Variants in TINAG observed in about 807,000 individuals in gnomAD.
TINAG encodes tubulointerstitial nephritis antigen.
Under a neutral mutation model 72.7 loss-of-function variants are expected in TINAG, and 83 were observed. That is an observed-to-expected ratio of 1.14 (90% CI 0.96 to 1.37). The LOEUF (loss-of-function observed/expected upper bound fraction) is 1.37. Ranked by LOEUF, TINAG falls within the 40% of genes most tolerant of loss-of-function variation. The probability of loss-of-function intolerance (pLI) is 0.00; values close to 1 mark genes in which losing one functional copy is unlikely to be tolerated. For synonymous variants in TINAG, 234 were observed against 189.9 expected (o/e 1.23, Z -1.91); for missense variants, 685 against 576.6 (o/e 1.19, Z -1.93).
intron 4 of TINAG, among the ~76,000 whole-genome samples, chr6:54,332,138 A>G (rs192118188): frequency 2.5e-4 from 38 of 152,290 alleles, no homozygotes; most frequent in Admixed American, 7.2e-4. Flanking sequence ...ATATGGAATG[A>G]AAAGAGATCC....
chr6:54,322,343 A>C (rs1011480564), intron 3 of TINAG, among the ~76,000 whole-genome samples: 7 of 150,798 alleles, frequency 4.6e-5, no homozygotes, highest in Non-Finnish European at 8.8e-5. Context: ...CAAAAAAAAA[A>C]CAAGAAACAT....
chr6:54,321,387 G>T lies in TINAG; in HGVS notation c.509+1G>T. ...AACAGGTCAATAAAGGAGACTATGG[G>T]TGAGAGAAATCTTGCTTTGTATGTT... On this transcript the variant is annotated splice_donor_variant, in intron 3 of 10. Coordinates refer to ENST00000259782, the MANE Select transcript of TINAG (RefSeq NM_014464.4). LOFTEE classifies it high-confidence loss of function. The T allele has an allele frequency of 1.2e-6, 2 of 1,605,398 alleles. No individual in the cohort carries two copies. Among genetic ancestry groups the T allele is most frequent in the African/African-American group, 2.7e-5 (2 of 74,800 alleles).
At chr6:54,321,491 G>A (rs1390510601) in intron 3 of TINAG, 105 bp downstream of exon 3, 1 of 755,978 alleles carries the variant, frequency 1.3e-6, no homozygotes, top group African/African-American at 1.8e-5. Context: ...AAAAGAAAGA[G>A]TGGGAGAGAA....
intron 1 of TINAG, among the ~76,000 whole-genome samples, chr6:54,315,397 G>A (rs1043811164): frequency 6.6e-6 from 1 of 151,988 alleles, no homozygotes; most frequent in African/African-American, 2.4e-5. Flanking sequence ...GGCTGGGTGT[G>A]GTGGCTCACA....
chr6:54,389,298 C>T (rs370371807), intron 10 of TINAG, among the ~76,000 whole-genome samples: 10 of 152,162 alleles, frequency 6.6e-5, no homozygotes, highest in East Asian at 3.8e-4. Flanking sequence ...ACAATGTCTT[C>T]GCTGAACCAT....
Position 54,308,489 on chromosome 6 carries a change from G to A in TINAG, c.-62G>A. 1.4e-6 allele frequency: 2 copies of A among 1,415,428 alleles called. No homozygotes were observed. The highest frequency in any genetic ancestry group is 2.8e-5 in the South Asian group (2 of 71,728). 87.7% of individuals were successfully genotyped at this position (1,415,428 alleles called of 1,614,324 possible). ...ACTAGAATTCAGGTTCCAAGGAGAAGCCCACAAGGCTAAGGGTATTGGATA... is the reference window on the plus strand; with the variant it reads ...ACTAGAATTCAGGTTCCAAGGAGAAACCCACAAGGCTAAGGGTATTGGATA... On this transcript the variant is annotated 5_prime_UTR_variant, in exon 1 of 11. Coordinates refer to ENST00000259782, the MANE Select transcript of TINAG (RefSeq NM_014464.4).
At chr6:54,354,416 T>C in intron 8 of TINAG, 97 bp from the exon 9 acceptor site, 1 of 1,138,642 alleles carries the variant, frequency 8.8e-7, no homozygotes, top group South Asian at 1.6e-5. Flanking sequence ...TTCATCTCCT[T>C]GCAATTTACC....
At chr6:54,357,095 G>A (rs976612679) in intron 9 of TINAG, among the ~76,000 whole-genome samples, 1 of 151,886 alleles carries the variant, frequency 6.6e-6, no homozygotes, top group African/African-American at 2.4e-5. Flanking sequence ...CACAAAAATA[G>A]CTATTTCAAG....
rs545117635 is a variant in TINAG, at chr6:54,386,724, G to GA, written c.1297-3056dup. Among the ~76,000 whole-genome samples the GA allele has an allele frequency of 2.0e-3, 283 of 143,690 alleles. 1 individual carries two copies. The highest frequency in any genetic ancestry group is 5.0e-3 in the South Asian group (23 of 4,584). 94.3% of individuals were successfully genotyped at this position (143,690 alleles called of 152,430 possible). The stretch of plus-strand genomic sequence containing the variant: ...GGTCACAGAAACTTTATATACATAT[G>GA]AAAAAAAAAAACCTAGATCACTTCC... On this transcript the variant is annotated intron_variant, in intron 10 of 10. Coordinates refer to ENST00000259782, the MANE Select transcript of TINAG (RefSeq NM_014464.4).
chr6:54,315,391 G>A (rs977295769), intron 1 of TINAG, among the ~76,000 whole-genome samples: 34 of 152,002 alleles, frequency 2.2e-4, no homozygotes, highest in African/African-American at 8.2e-4. Flanking sequence ...ATGTCAGGCT[G>A]GGTGTGGTGG....
chr6:54,321,330 G>A lies in TINAG; in HGVS notation c.453G>A (p.Gln151=), dbSNP rs1225094524. 1.2e-6 allele frequency: 2 copies of A among 1,613,700 alleles called. No homozygotes were observed. Among genetic ancestry groups the A allele is most frequent in the Non-Finnish European group, 1.7e-6 (2 of 1,179,870 alleles). ...TCSGQQWKCS[Q]HVCLVRSELI... ...CAGGACAGCAATGGAAATGTTCCCA[G>A]CATGTATGCCTTGTTCGTTCAGAAT... The change falls in exon 3 of 11, where the codon CAG becomes CAA. Residue 151 remains glutamine, a synonymous_variant. Coordinates refer to ENST00000259782, the MANE Select transcript of TINAG (RefSeq NM_014464.4).
At chr6:54,349,106 C>A (rs539199126) in intron 6 of TINAG, among the ~76,000 whole-genome samples, 219 of 151,890 alleles carry the variant, frequency 1.4e-3, no homozygotes, top group Admixed American at 4.0e-3. Flanking sequence ...TTAGATAATA[C>A]ACATGTCTGA....
intron 4 of TINAG, among the ~76,000 whole-genome samples, chr6:54,342,421 C>T (rs552370985): frequency 3.3e-5 from 5 of 151,060 alleles, no homozygotes; most frequent in East Asian, 2.0e-4. Context: ...AGCAGTAGCG[C>T]GATCTCGGCT....
intron 5 of TINAG, 32 bp downstream of exon 5, chr6:54,343,381 A>C (rs201544776): frequency 4.1e-5 from 60 of 1,456,060 alleles, no homozygotes; most frequent in Non-Finnish European, 5.3e-5. Flanking sequence ...CTTCCTTATA[A>C]ACTACTCCTT....
chr6:54,312,223 T>G (rs922378344), intron 1 of TINAG, among the ~76,000 whole-genome samples: 5 of 152,090 alleles, frequency 3.3e-5, no homozygotes, highest in Admixed American at 3.3e-4. Context: ...CATGCCTGGC[T>G]ATTTTTTTGC....
chr6:54,384,311 C>A (rs1348530020), intron 10 of TINAG, among the ~76,000 whole-genome samples: 1 of 152,016 alleles, frequency 6.6e-6, no homozygotes, highest in Non-Finnish European at 1.5e-5. Flanking sequence ...ATGTAACAAA[C>A]CTGCATGTTC....
chr6:54,365,677 G>T (rs1052537015), intron 9 of TINAG, among the ~76,000 whole-genome samples: 7 of 151,596 alleles, frequency 4.6e-5, no homozygotes, highest in African/African-American at 1.4e-4. Context: ...GAAAAGATTT[G>T]ATGGGAACAT....
At chr6:54,332,942 G>A (rs1319607024) in intron 4 of TINAG, among the ~76,000 whole-genome samples, 3 of 152,180 alleles carry the variant, frequency 2.0e-5, no homozygotes, top group Non-Finnish European at 2.9e-5. Context: ...AGTTAGAATG[G>A]CAATCATTAA....
chr6:54,308,139 G>A (rs1393155437), upstream of TINAG: 1 of 1,547,322 alleles, frequency 6.5e-7, no homozygotes, highest in Non-Finnish European at 8.7e-7. Flanking sequence ...TGAATTTCCT[G>A]CACCTTGCCA....
Sources: allele counts gnomAD v4.1 joint callset (sites outside exome capture counted in the v4.1 genomes callset), GRCh38; gene constraint gnomAD v4.1.1; transcripts MANE v1.5; gene names NCBI Gene and HGNC (gene_info 2026-07-23, HGNC 2026-07-21).